The following DTNBP1 variants were observed in gnomAD, a reference collection of about 807,000 sequenced individuals.
DTNBP1 encodes the protein dysbindin.
DTNBP1 carries 35 observed loss-of-function variants against 42.8 expected under a neutral mutation model. That is an observed-to-expected ratio of 0.82 (90% CI 0.63 to 1.09). The LOEUF (loss-of-function observed/expected upper bound fraction) is 1.09, where lower values mean the gene tolerates loss of function less well. Among genes scored for constraint, DTNBP1 ranks in the 50% least tolerant of loss-of-function variants. The pLI is 0.00. For synonymous variants in DTNBP1, 171 were observed against 162.2 expected, an observed-to-expected ratio of 1.05 and a Z score of -0.41; for missense variants, 457 against 424.2, an observed-to-expected ratio of 1.08 and a Z score of -0.68.
At chr6:15,553,543 C>T (rs1300835385) in intron 7 of DTNBP1, among the ~76,000 whole-genome samples, 5 of 143,740 alleles carry the variant, frequency 3.5e-5, no homozygotes, top group Non-Finnish European at 7.5e-5. Flanking sequence ...AGAGGAACAA[C>T]TTCATTCTAT....
rs760903533 is a variant in DTNBP1 at position 15,524,436 on chromosome 6, T to C, written c.811+90A>G. 51 of 1,613,992 alleles carry C rather than the reference T, an allele frequency of 3.2e-5. 1 individual carries two copies. The highest frequency in any genetic ancestry group is 3.8e-5 in the Non-Finnish European group (45 of 1,179,980). On this transcript the variant is annotated intron_variant, in intron 9 of 9. Coordinates refer to ENST00000344537, the MANE Select transcript of DTNBP1 (RefSeq NM_032122.5). ...GTGAGCTTGGGGGTTTATGCGTAAG[T>C]GACTGGCAGATGGTTCTCACGTCTC...
At chr6:15,523,332 C>A in intron 9 of DTNBP1, 113 bp from the exon 10 acceptor site, 2 of 1,458,132 alleles carry the variant, frequency 1.4e-6, no homozygotes, top group Non-Finnish European at 1.9e-6. Flanking sequence ...GGTTTTTGTT[C>A]CAGGCACCTG....
At chr6:15,608,065 A>G (rs1016240868) in intron 6 of DTNBP1, among the ~76,000 whole-genome samples, 5 of 152,160 alleles carry the variant, frequency 3.3e-5, no homozygotes, top group African/African-American at 9.7e-5. Flanking sequence ...GATGAGGATT[A>G]GCTATTTTAC....
In DTNBP1 at chr6:15,524,680, A is replaced by G; in HGVS notation, c.668-11T>C. The G allele has an allele frequency of 1.2e-6, 2 of 1,612,098 alleles. No homozygotes were observed. Among genetic ancestry groups the G allele is most frequent in the East Asian group, 4.5e-5 (2 of 44,884 alleles). The stretch of plus-strand genomic sequence containing the variant: ...TGCTGCCTATGGGCTCTGCGGATAG[A>G]TCAACACGAGAAAGGACACGCTGTC... On this transcript the variant is annotated splice_polypyrimidine_tract_variant and intron_variant, in intron 8 of 9. Transcript: ENST00000344537.
At chr6:15,642,084 C>A (rs1274406876) in intron 3 of DTNBP1, among the ~76,000 whole-genome samples, 1 of 152,034 alleles carries the variant, frequency 6.6e-6, no homozygotes, top group African/African-American at 2.4e-5. Context: ...TGAAAGTGAG[C>A]CCTGCACAGC....
intron 4 of DTNBP1, among the ~76,000 whole-genome samples, chr6:15,634,931 T>C (rs1051004085): frequency 1.3e-5 from 2 of 152,222 alleles, no homozygotes; most frequent in Non-Finnish European, 2.9e-5. Flanking sequence ...TTTCCTTTTT[T>C]CCTGAATTAC....
intron 8 of DTNBP1, among the ~76,000 whole-genome samples, chr6:15,525,997 CAG>C (rs1404756565): frequency 6.6e-6 from 1 of 152,016 alleles, no homozygotes; most frequent in South Asian, 2.1e-4. Flanking sequence ...AAAAGGCAGC[CAG>C]AGAGAGAGGG....
intron 7 of DTNBP1, among the ~76,000 whole-genome samples, chr6:15,571,004 T>C (rs1410027804): frequency 6.6e-6 from 1 of 152,200 alleles, no homozygotes; most frequent in Non-Finnish European, 1.5e-5. Flanking sequence ...TAAGAAATTA[T>C]GTTATTTTTA....
chr6:15,523,780 A>C (rs1414592475), intron 9 of DTNBP1: 24 of 1,287,240 alleles, frequency 1.9e-5, no homozygotes, highest in Non-Finnish European at 2.4e-5. Context: ...GGATGAGGGC[A>C]AATGCACCCA....
chr6:15,560,628 A>C (rs1386205082), intron 7 of DTNBP1, among the ~76,000 whole-genome samples: 1 of 152,232 alleles, frequency 6.6e-6, no homozygotes, highest in Non-Finnish European at 1.5e-5. Flanking sequence ...ATCAAAGTTG[A>C]CTTACAGAGC....
chr6:15,660,482 C>CA, intron 1 of DTNBP1: 1 of 1,289,784 alleles, frequency 7.8e-7, no homozygotes, highest in Non-Finnish European at 1.0e-6. Context: ...AGGCTAATGG[C>CA]ACACACTGAC....
At position 15,638,009 on chromosome 6, in the gene DTNBP1, T is replaced by C. The variant is rs1760129626; in HGVS notation, c.162-205A>G. Among the ~76,000 whole-genome samples the C allele has an allele frequency of 2.0e-5, 3 of 152,174 alleles. No homozygotes were observed. The South Asian group carries it at 6.2e-4, about 32-fold the overall frequency. On this transcript the variant is annotated intron_variant, in intron 3 of 9. Coordinates refer to ENST00000344537, the MANE Select transcript of DTNBP1 (RefSeq NM_032122.5). Reference sequence around the variant, plus strand: ...ATTTGAGCAACAAAATACATAATGGTAGTAACAGATTATAACTCAAAGAAT... The same window carrying C: ...ATTTGAGCAACAAAATACATAATGGCAGTAACAGATTATAACTCAAAGAAT...
At position 15,533,618 on chromosome 6, in the gene DTNBP1, C is replaced by T. The variant is rs781204353; in HGVS notation, c.512-223G>A. On this transcript the variant is annotated intron_variant, in intron 7 of 9. Coordinates refer to ENST00000344537, the MANE Select transcript of DTNBP1 (RefSeq NM_032122.5). ...CAGGGTCAGGCCCTTCGTTCCACAC[C>T]TTTGCATGTGCTGTTCCCTTTGCTG... 10 of 703,080 alleles carry T rather than the reference C, an allele frequency of 1.4e-5. No homozygotes were observed. The African/African-American group carries it at 1.6e-4, about 11-fold the overall frequency. 43.6% of individuals were successfully genotyped at this position (703,080 alleles called of 1,614,324 possible). A position where few individuals can be genotyped will look rare whatever the true frequency, so the allele number is the denominator to read the frequency against.
intron 3 of DTNBP1, among the ~76,000 whole-genome samples, chr6:15,644,925 A>G (rs1162674316): frequency 6.6e-6 from 1 of 152,054 alleles, no homozygotes; most frequent in Non-Finnish European, 1.5e-5. Flanking sequence ...AATAATTATG[A>G]TCAGAGCAGA....
intron 7 of DTNBP1, among the ~76,000 whole-genome samples, chr6:15,564,347 AAACTC>A (rs138167326): frequency 0.13 from 19,398 of 152,052 alleles, 1,569 homozygotes; most frequent in African/African-American, 0.23. Flanking sequence ...AAATTTTAAA[AAACTC>A]AACTCAATAA....
intron 7 of DTNBP1, among the ~76,000 whole-genome samples, chr6:15,557,387 T>A (rs1444103145): frequency 6.6e-6 from 1 of 152,100 alleles, no homozygotes; most frequent in African/African-American, 2.4e-5. Flanking sequence ...TGTAAACACA[T>A]TGGCTAAAGT....
chr6:15,575,542 C>T (rs910039828), intron 7 of DTNBP1, among the ~76,000 whole-genome samples: 8 of 152,158 alleles, frequency 5.3e-5, no homozygotes, highest in African/African-American at 1.9e-4. Context: ...GGGAAAATGT[C>T]GCTGCTGAAA....
At chr6:15,629,592 A>G (rs929023572) in intron 4 of DTNBP1, among the ~76,000 whole-genome samples, 13 of 152,204 alleles carry the variant, frequency 8.5e-5, no homozygotes, top group Admixed American at 2.0e-4. Flanking sequence ...CTCAGAAATT[A>G]TCAATAATTA....
chr6:15,655,886 G>GGAGA (rs76123668), intron 1 of DTNBP1, among the ~76,000 whole-genome samples: 19,185 of 152,100 alleles, frequency 0.13, 1,528 homozygotes, highest in African/African-American at 0.23. Context: ...CAGTTTCTCT[G>GGAGA]GAGAACTTAT....
Sources: allele counts gnomAD v4.1 joint callset (sites outside exome capture counted in the v4.1 genomes callset), GRCh38; gene constraint gnomAD v4.1.1; transcripts MANE v1.5; gene names NCBI Gene and HGNC (gene_info 2026-07-23, HGNC 2026-07-21).